DNAJC21: variants seen among roughly 807,000 people sequenced by gnomAD.
The protein encoded by DNAJC21 is dnaJ homolog subfamily C member 21.
In DNAJC21, 63 loss-of-function variants were observed where a neutral mutation model predicts 72.4. The ratio of observed to expected loss-of-function variants is 0.87; its 90% CI spans 0.71 to 1.07. The LOEUF (loss-of-function observed/expected upper bound fraction) is 1.07. Ranked by LOEUF, DNAJC21 falls within the 50% of genes least tolerant of loss-of-function variation. The pLI is 0.00. For missense variants in DNAJC21, 634 were observed against 644.8 expected, an observed-to-expected ratio of 0.98 and a Z score of 0.18; for synonymous variants, 203 against 216.7, an observed-to-expected ratio of 0.94 and a Z score of 0.56.
chr5:34,947,217 C>A (rs1765199698), intron 9 of DNAJC21, among the ~76,000 whole-genome samples: 1 of 152,074 alleles, frequency 6.6e-6, no homozygotes, highest in Non-Finnish European at 1.5e-5. Context: ...AAAGAAATGA[C>A]CCTGACTGAC....
Position 34,950,294 on chromosome 5 carries a change from T to A in DNAJC21, c.1310T>A (p.Val437Asp), listed in dbSNP as rs1765320116. ...GATAGTCCCCAGGAAAATGTCAGTG[T>A]CACAGAGATCATTAAACCATGTGAT... is the stretch of plus-strand genomic sequence containing the variant. ...LEDSPQENVS[V>D]TEIIKPCDDP... Residue 437 changes from valine (V) to aspartate (D), a missense_variant, in exon 10 of 12, where the codon GTC (valine) becomes GAC (aspartate). Transcript: ENST00000648817. 1.2e-6 allele frequency: 2 copies of A among 1,613,570 alleles called. No homozygotes were observed. Among genetic ancestry groups the A allele is most frequent in the Middle Eastern group, 1.6e-4 (1 of 6,080 alleles).
chr5:34,941,560 CTTTT>C (rs765889955), intron 7 of DNAJC21, among the ~76,000 whole-genome samples: 2 of 76,090 alleles, frequency 2.6e-5, no homozygotes, highest in African/African-American at 1.0e-4. Context: ...CTTGTGTTTT[CTTTT>C]TTTTTTTTTT....
chr5:34,943,272 C>A (rs533456658), intron 7 of DNAJC21, among the ~76,000 whole-genome samples: 18 of 152,224 alleles, frequency 1.2e-4, no homozygotes, highest in African/African-American at 4.3e-4. Context: ...CTTGTGTTGT[C>A]TTTTATGCTG....
rs577724962 is a variant in DNAJC21, at chr5:34,941,997, G to T, written c.983+814G>T. On this transcript the variant is annotated intron_variant, in intron 7 of 11. Transcript: ENST00000648817. The stretch of plus-strand genomic sequence containing the variant: ...TCCAGCAGGGTAGAAAGAGGTATTT[G>T]TACCTGCCATTAAACCTGTTGTACT... 9.1e-4 allele frequency among the ~76,000 whole-genome samples: 139 copies of T among 152,050 alleles called. 1 individual carries two copies. Among genetic ancestry groups the T allele is most frequent in the African/African-American group, 3.2e-3 (131 of 41,468 alleles).
chr5:34,951,717 G>A (rs1417503642), intron 10 of DNAJC21: 24 of 829,980 alleles, frequency 2.9e-5, no homozygotes, highest in Non-Finnish European at 3.3e-5. Flanking sequence ...TAGTAGAGAC[G>A]GTTTCACCAT....
In DNAJC21 at chr5:34,956,664, C is replaced by G. The variant is rs970321075; in HGVS notation, c.*1950C>G. On this transcript the variant is annotated 3_prime_UTR_variant, in exon 12 of 12. Transcript: ENST00000648817. ...AATGTCCCTATGACTTCTTTGCTTT[C>G]TCTTATACCAAACATGCAGGTATTT... The G allele has an allele frequency of 2.0e-5, 3 of 152,204 alleles. No homozygotes were observed. Among genetic ancestry groups the G allele is most frequent in the Non-Finnish European group, 2.9e-5 (2 of 68,034 alleles). The allele number at this position is 152,204 out of a possible 1,614,324, so 9.4% of individuals were successfully genotyped here.
chr5:34,953,285 A>G (rs1765436686), intron 10 of DNAJC21, among the ~76,000 whole-genome samples: 1 of 151,742 alleles, frequency 6.6e-6, no homozygotes, highest in African/African-American at 2.4e-5. Context: ...TCCCCCTGAA[A>G]CAGTCTTACT....
intron 7 of DNAJC21, among the ~76,000 whole-genome samples, chr5:34,941,773 G>T (rs1258710736): frequency 6.6e-6 from 1 of 151,680 alleles, no homozygotes; most frequent in Admixed American, 6.6e-5. Context: ...CACCATGTTG[G>T]TCAGGCTGGT....
intron 9 of DNAJC21, among the ~76,000 whole-genome samples, chr5:34,948,436 G>A (rs1055261066): frequency 3.3e-5 from 5 of 152,206 alleles, no homozygotes; most frequent in Non-Finnish European, 1.5e-5. Flanking sequence ...ATGGGGATAC[G>A]TTAGAAGTAC....
In DNAJC21 at chr5:34,936,211, A is replaced by T; in HGVS notation, c.383A>T (p.Glu128Val). 7 of 1,614,136 alleles carry T rather than the reference A, an allele frequency of 4.3e-6. No homozygotes were observed. Among genetic ancestry groups the T allele is most frequent in the Non-Finnish European group, 5.9e-6 (7 of 1,180,002 alleles). ...IAKEELESVLEEEVDDFPTFG... is the reference protein window; with the variant it reads ...IAKEELESVLVEEVDDFPTFG... Reference sequence around the variant, plus strand: ...AAGGAAGAACTAGAATCTGTGTTAGAGGAAGAGGTTGATGATTTCCCAACT... The same window carrying T: ...AAGGAAGAACTAGAATCTGTGTTAGTGGAAGAGGTTGATGATTTCCCAACT... The change falls in exon 4 of 12, where the codon GAG becomes GTG. Residue 128 changes from glutamate to valine, a missense_variant. Physicochemically the swap from Glu to Val is moderately radical, Grantham distance 121. Transcript: ENST00000648817.
chr5:34,930,956 G>C (rs1419330901), intron 1 of DNAJC21, among the ~76,000 whole-genome samples: 1 of 152,216 alleles, frequency 6.6e-6, no homozygotes, highest in Non-Finnish European at 1.5e-5. Context: ...TTACCATTTT[G>C]TATTGAGTCT....
At chr5:34,950,133 A>G (rs774365250) in intron 9 of DNAJC21, 37 bp from the exon 10 acceptor site, 7 of 1,560,450 alleles carry the variant, frequency 4.5e-6, no homozygotes, top group South Asian at 2.5e-5. Flanking sequence ...GTAGTATTAT[A>G]TTTATTTTGT....
At chr5:34,949,110 G>C (rs1765271168) in intron 9 of DNAJC21, among the ~76,000 whole-genome samples, 1 of 152,060 alleles carries the variant, frequency 6.6e-6, no homozygotes, top group South Asian at 2.1e-4. Flanking sequence ...TTTAAAAAGG[G>C]AAAACATACT....
rs1008210326 is a variant in DNAJC21 at position 34,958,022 on chromosome 5, G to A, written c.*3308G>A. Reference sequence around the variant, plus strand: ...TCAGATTTCTTGTTCTATGGAAGAGGAAGCTGAGCTCAGGGAGATATGAGC... The same window carrying A: ...TCAGATTTCTTGTTCTATGGAAGAGAAAGCTGAGCTCAGGGAGATATGAGC... On this transcript the variant is annotated 3_prime_UTR_variant, in exon 12 of 12. Transcript: ENST00000648817. 6.6e-6 allele frequency: 1 copy of A among 152,154 alleles called. No homozygotes were observed. The highest frequency in any genetic ancestry group is 1.5e-5 in the Non-Finnish European group (1 of 68,034). The allele number at this position is 152,154 out of a possible 1,614,324, so 9.4% of individuals were successfully genotyped here.
chr5:34,936,468 G>A (rs570967423), intron 4 of DNAJC21, among the ~76,000 whole-genome samples: 15 of 152,134 alleles, frequency 9.9e-5, no homozygotes, highest in South Asian at 6.2e-4. Context: ...ACAAGTGTGC[G>A]CCACGACATC....
At position 34,936,263 on chromosome 5, in the gene DNAJC21, T is replaced by C. The variant is rs372082067; in HGVS notation, c.435T>C (p.Asp145=). ...TTGGAGACTCCCAGAGTGACTATGATACGGTAAAATAAAAATGCATTGTTC... is the reference window on the plus strand; with the variant it reads ...TTGGAGACTCCCAGAGTGACTATGACACGGTAAAATAAAAATGCATTGTTC... ...PTFGDSQSDY[D]TVVHPFYAYW... Residue 145 remains aspartate, a synonymous_variant, in exon 4 of 12, where the codon GAT becomes GAC. Coordinates refer to ENST00000648817, the MANE Select transcript of DNAJC21 (RefSeq NM_001012339.3). 3.7e-6 allele frequency: 6 copies of C among 1,606,100 alleles called. No homozygotes were observed. In the African/African-American group the frequency reaches 4.0e-5, roughly 11 times the overall value.
intron 5 of DNAJC21, 89 bp downstream of exon 5, chr5:34,937,719 G>T: frequency 6.9e-7 from 1 of 1,459,206 alleles, no homozygotes; most frequent in Non-Finnish European, 9.2e-7. Flanking sequence ...GTTGGGTTCA[G>T]TCATCAGCCT....
intron 2 of DNAJC21, 75 bp from the exon 3 acceptor site, chr5:34,935,635 T>C (rs1215355089): frequency 1.9e-6 from 3 of 1,589,596 alleles, no homozygotes; most frequent in Admixed American, 1.7e-5. Context: ...AATAATAATA[T>C]TCAAAAGGAG....
At chr5:34,952,075 G>A (rs1410849780) in intron 10 of DNAJC21, 2 of 985,156 alleles carry the variant, frequency 2.0e-6, no homozygotes, top group African/African-American at 3.5e-5. Context: ...TTGCTTCTCT[G>A]GAGTGGTGTG....
Sources: allele counts gnomAD v4.1 joint callset (sites outside exome capture counted in the v4.1 genomes callset), GRCh38; gene constraint gnomAD v4.1.1; transcripts MANE v1.5; gene names NCBI Gene and HGNC (gene_info 2026-07-23, HGNC 2026-07-21).